KCNIP4: variants seen among roughly 807,000 people sequenced by gnomAD.
KCNIP4 encodes Kv channel-interacting protein 4.
Under a neutral mutation model 34.0 loss-of-function variants are expected in KCNIP4, and 12 were observed. The ratio of observed to expected loss-of-function variants is 0.35; its 90% CI spans 0.23 to 0.57. The LOEUF (loss-of-function observed/expected upper bound fraction) is 0.57. Ranked by LOEUF, KCNIP4 falls within the 20% of genes least tolerant of loss-of-function variation. KCNIP4 has a pLI of 0.83. For synonymous variants in KCNIP4, 124 were observed against 102.2 expected, an observed-to-expected ratio of 1.21 and a Z score of -1.29; for missense variants, 238 against 311.7, an observed-to-expected ratio of 0.76 and a Z score of 1.78.
At chr4:20,932,427 G>A (rs536154718) in intron 1 of KCNIP4, among the ~76,000 whole-genome samples, 2 of 139,906 alleles carry the variant, frequency 1.4e-5, no homozygotes, top group African/African-American at 2.8e-5. Flanking sequence ...GTCTAATATT[G>A]TAGACTATAA....
At chr4:21,021,217 T>C (rs1232793793) in intron 1 of KCNIP4, among the ~76,000 whole-genome samples, 1 of 152,160 alleles carries the variant, frequency 6.6e-6, no homozygotes, top group East Asian at 1.9e-4. Context: ...ACAAATACTA[T>C]CTAAAAGTCC....
At chr4:21,798,404 C>CATATATATATATAT (rs112991875) in intron 1 of KCNIP4, among the ~76,000 whole-genome samples, 9,046 of 129,128 alleles carry the variant, frequency 0.07, 482 homozygotes, top group Non-Finnish European at 0.11. Context: ...CAAAAAAATA[C>CATATATATATATAT]ATATATATAT....
chr4:21,543,892 T>A (rs1315001954), intron 1 of KCNIP4, among the ~76,000 whole-genome samples: 1 of 152,142 alleles, frequency 6.6e-6, no homozygotes, highest in African/African-American at 2.4e-5. Context: ...CGATGGAATG[T>A]TAAATATACT....
At position 21,423,847 on chromosome 4, in the gene KCNIP4, G is replaced by A. The variant is rs1006369295; in HGVS notation, c.61+524724C>T. The stretch of plus-strand genomic sequence containing the variant: ...TTTTGAGACGGAGTCTCGCTCTGTC[G>A]CCCAGGCTGGAGTGCAGTGGTGCAA... On this transcript the variant is annotated intron_variant, in intron 1 of 8. Transcript: ENST00000382152. Among the ~76,000 whole-genome samples the A allele has an allele frequency of 9.4e-5, 14 of 148,600 alleles. No homozygotes were observed. In the Middle Eastern group the frequency reaches 0.014, roughly 153 times the overall value.
intron 3 of KCNIP4, among the ~76,000 whole-genome samples, chr4:20,815,996 C>G (rs531687270): frequency 6.6e-6 from 1 of 152,204 alleles, no homozygotes; most frequent in African/African-American, 2.4e-5. Context: ...TGTCTGTAAT[C>G]CCAGCACTTT....
chr4:21,726,822 C>T (rs189796936), intron 1 of KCNIP4, among the ~76,000 whole-genome samples: 6 of 152,208 alleles, frequency 3.9e-5, no homozygotes, highest in Non-Finnish European at 7.4e-5. Flanking sequence ...TGGCTTCAAT[C>T]GATGGATCAA....
At chr4:20,831,417 G>A (rs1718412431) in intron 3 of KCNIP4, among the ~76,000 whole-genome samples, 1 of 152,132 alleles carries the variant, frequency 6.6e-6, no homozygotes, top group African/African-American at 2.4e-5. Flanking sequence ...CACTAGTGAT[G>A]CACATCAGGA....
intron 1 of KCNIP4, among the ~76,000 whole-genome samples, chr4:21,707,100 G>C (rs1314935286): frequency 6.6e-6 from 1 of 152,158 alleles, no homozygotes; most frequent in Non-Finnish European, 1.5e-5. Context: ...GGCATAGGAA[G>C]TCCTCCTTTA....
At chr4:21,190,842 C>T (rs1295272459) in intron 1 of KCNIP4, among the ~76,000 whole-genome samples, 2 of 152,016 alleles carry the variant, frequency 1.3e-5, no homozygotes, top group African/African-American at 2.4e-5. Flanking sequence ...GGCGCAGCTG[C>T]TCTGACACTC....
At chr4:21,262,365 G>T (rs965645326) in intron 1 of KCNIP4, among the ~76,000 whole-genome samples, 1 of 152,142 alleles carries the variant, frequency 6.6e-6, no homozygotes, top group African/African-American at 2.4e-5. Flanking sequence ...CTTTGTTGGA[G>T]GATGACCTTC....
intron 1 of KCNIP4, among the ~76,000 whole-genome samples, chr4:21,376,628 T>C (rs1361231104): frequency 6.6e-6 from 1 of 152,216 alleles, no homozygotes; most frequent in Non-Finnish European, 1.5e-5. Context: ...TGGCTCTTAA[T>C]CTGTTTAAAG....
intron 1 of KCNIP4, among the ~76,000 whole-genome samples, chr4:21,860,427 C>T (rs1193799535): frequency 2.6e-5 from 4 of 152,252 alleles, no homozygotes; most frequent in African/African-American, 9.6e-5. Flanking sequence ...AGCCACTGTG[C>T]CTGGCCAGAT....
intron 1 of KCNIP4, among the ~76,000 whole-genome samples, chr4:21,555,751 A>G (rs183419829): frequency 2.0e-5 from 3 of 152,260 alleles, no homozygotes; most frequent in Admixed American, 2.0e-4. Context: ...TATTAAATAT[A>G]TTACTATCTA....
chr4:20,753,422 C>T (rs1320408617), intron 4 of KCNIP4, among the ~76,000 whole-genome samples: 1 of 152,160 alleles, frequency 6.6e-6, no homozygotes. Context: ...TCCACAAACT[C>T]TGAACTTAGT....
intron 1 of KCNIP4, among the ~76,000 whole-genome samples, chr4:21,672,556 A>AT: frequency 6.6e-6 from 1 of 152,202 alleles, no homozygotes; most frequent in East Asian, 1.9e-4. Flanking sequence ...GTTTTTACAT[A>AT]TTTTTCATTG....
At chr4:21,647,557 G>A (rs183069004) in intron 1 of KCNIP4, among the ~76,000 whole-genome samples, 73 of 152,168 alleles carry the variant, frequency 4.8e-4, no homozygotes, top group African/African-American at 1.7e-3. Context: ...AGATAACTGA[G>A]AAACTCATGA....
intron 1 of KCNIP4, among the ~76,000 whole-genome samples, chr4:21,810,689 C>A (rs1188314536): frequency 8.4e-5 from 9 of 107,572 alleles, no homozygotes; most frequent in African/African-American, 2.0e-4. Flanking sequence ...GACTCCGTCT[C>A]AAAAAAAAAA....
At chr4:20,930,399 T>TA (rs1236606312) in intron 1 of KCNIP4, among the ~76,000 whole-genome samples, 2 of 151,940 alleles carry the variant, frequency 1.3e-5, no homozygotes, top group Non-Finnish European at 2.9e-5. Flanking sequence ...TGTGAAACCA[T>TA]AAAACTCCTA....
chr4:21,228,099 T>G (rs1387596223), intron 1 of KCNIP4, among the ~76,000 whole-genome samples: 2 of 152,148 alleles, frequency 1.3e-5, no homozygotes, highest in Non-Finnish European at 2.9e-5. Flanking sequence ...TAGGCGACAA[T>G]TTGCAAAACA....
Sources: gnomAD v4.1 joint callset for allele counts (sites outside exome capture counted in the v4.1 genomes callset) on GRCh38, gnomAD v4.1.1 for gene constraint, MANE v1.5 for transcripts, NCBI Gene and HGNC (gene_info 2026-07-23, HGNC 2026-07-21) for gene names.